SPMIP4: variants seen among roughly 807,000 people sequenced by gnomAD.
The protein encoded by SPMIP4 is sperm microtubule inner protein 4.
chr7:25,177,756 GAC>G, the SPMIP4 span, among the ~76,000 whole-genome samples: 297 of 152,268 alleles, frequency 2.0e-3, 1 homozygote, highest in African/African-American at 6.7e-3. Flanking sequence ...GTAGAGTGCT[GAC>G]ACACAGTAAT....
the SPMIP4 span, among the ~76,000 whole-genome samples, chr7:25,162,233 T>C: frequency 4.8e-5 from 7 of 146,706 alleles, no homozygotes; most frequent in Non-Finnish European, 7.4e-5. Context: ...ATCATGCCAC[T>C]GTACTCCAGC....
the SPMIP4 span, among the ~76,000 whole-genome samples, chr7:25,137,119 A>C: frequency 1.3e-5 from 2 of 152,200 alleles, no homozygotes; most frequent in African/African-American, 4.8e-5. Context: ...AACAGATGGC[A>C]TTAGCCGCGT....
At chr7:25,179,247 G>C in the SPMIP4 span, 1 of 1,613,772 alleles carries the variant, frequency 6.2e-7, no homozygotes, top group Non-Finnish European at 8.5e-7. Context: ...AAAGGTGTTG[G>C]ACAGTATGTC....
At chr7:25,158,811 C>G in the SPMIP4 span, among the ~76,000 whole-genome samples, 1 of 150,372 alleles carries the variant, frequency 6.7e-6, no homozygotes, top group East Asian at 1.9e-4. Context: ...TCAGGATTAC[C>G]CAGGAGGTGG....
the SPMIP4 span, among the ~76,000 whole-genome samples, chr7:25,152,784 C>T: frequency 1.4e-5 from 2 of 141,394 alleles, no homozygotes; most frequent in African/African-American, 2.6e-5. Flanking sequence ...CTCTCTGTCA[C>T]CCAGGCTGGA....
the SPMIP4 span, among the ~76,000 whole-genome samples, chr7:25,167,035 G>C: frequency 2.0e-5 from 3 of 152,114 alleles, no homozygotes; most frequent in Non-Finnish European, 4.4e-5. Flanking sequence ...ACAAGTCTTT[G>C]GCTTTCTTTT....
chr7:25,158,448 A>G, the SPMIP4 span: 1 of 1,337,464 alleles, frequency 7.5e-7, no homozygotes, highest in Non-Finnish European at 1.1e-6. Flanking sequence ...GGAAATGTCA[A>G]TTTTTTTTTC....
the SPMIP4 span, among the ~76,000 whole-genome samples, chr7:25,163,698 G>A: frequency 1.3e-5 from 2 of 152,184 alleles, no homozygotes; most frequent in African/African-American, 4.8e-5. The surrounding 1 kb of genome is among the most constrained non-coding windows in gnomAD (Gnocchi z 4.4). Context: ...ACTTGATAGG[G>A]TGACCTATCC....
chr7:25,148,230 C>G, the SPMIP4 span, among the ~76,000 whole-genome samples: 1 of 152,134 alleles, frequency 6.6e-6, no homozygotes, highest in Non-Finnish European at 1.5e-5. Flanking sequence ...AATGTGCAGC[C>G]AAGGTTGAGG....
chr7:25,134,978 G>T, the SPMIP4 span: 1 of 981,108 alleles, frequency 1.0e-6, no homozygotes, highest in African/African-American at 1.7e-5. Flanking sequence ...CTTTAGCCCA[G>T]AATAGTTTTA....
At chr7:25,174,537 C>A in the SPMIP4 span, among the ~76,000 whole-genome samples, 1 of 151,994 alleles carries the variant, frequency 6.6e-6, no homozygotes, top group Non-Finnish European at 1.5e-5. This position sits in a 1 kb window ranked among gnomAD's most constrained non-coding sequence, Gnocchi z 4.5. Context: ...GAGAAAAGCT[C>A]GAGATAAACA....
chr7:25,166,895 CA>C, the SPMIP4 span, among the ~76,000 whole-genome samples: 17 of 147,034 alleles, frequency 1.2e-4, no homozygotes, highest in South Asian at 1.7e-3. Flanking sequence ...AACTCCACCT[CA>C]AAAAAAAAAA....
the SPMIP4 span, among the ~76,000 whole-genome samples, chr7:25,130,425 G>A: frequency 6.7e-5 from 10 of 148,854 alleles, no homozygotes; most frequent in Admixed American, 6.8e-4. Flanking sequence ...AGATTCTCCT[G>A]CCTCAGCCTC....
chr7:25,166,420 T>C, the SPMIP4 span, among the ~76,000 whole-genome samples: 1 of 151,936 alleles, frequency 6.6e-6, no homozygotes, highest in African/African-American at 2.4e-5. Flanking sequence ...ACCCCGTCTC[T>C]ACTAAAAATA....
chr7:25,134,882 C>G, the SPMIP4 span: 3 of 985,368 alleles, frequency 3.0e-6, no homozygotes, highest in Non-Finnish European at 3.6e-6. Flanking sequence ...CCGATTTCCC[C>G]AGTATTATTT....
chr7:25,143,383 C>T, the SPMIP4 span, among the ~76,000 whole-genome samples: 1 of 152,096 alleles, frequency 6.6e-6, no homozygotes, highest in Admixed American at 6.5e-5. Context: ...TAGAAATTCA[C>T]CTTTTCTCAG....
the SPMIP4 span, chr7:25,134,713 C>T: frequency 0.22 from 212,200 of 984,358 alleles, 25,621 homozygotes; most frequent in African/African-American, 0.51. Flanking sequence ...GAGAGTTACA[C>T]CTTCCAAAGT....
chr7:25,129,714 C>T, the SPMIP4 span, among the ~76,000 whole-genome samples: 1 of 152,000 alleles, frequency 6.6e-6, no homozygotes, highest in Non-Finnish European at 1.5e-5. Flanking sequence ...CATCTTGCTC[C>T]ACCTCTCCAC....
the SPMIP4 span, among the ~76,000 whole-genome samples, chr7:25,151,031 G>A: frequency 6.6e-6 from 1 of 152,112 alleles, no homozygotes; most frequent in Non-Finnish European, 1.5e-5. Context: ...TAAGAATAGG[G>A]TTGGAGGAAC....
Sources: gnomAD v4.1 joint callset for allele counts (sites outside exome capture counted in the v4.1 genomes callset) on GRCh38, gnomAD v4.1.1 for gene constraint, Gnocchi (gnomAD v3.1) non-coding constraint, MANE v1.5 for transcripts, NCBI Gene and HGNC (gene_info 2026-07-23, HGNC 2026-07-21) for gene names.